Variants in GALNTL6 observed in about 807,000 individuals in gnomAD.
GALNTL6 encodes polypeptide N-acetylgalactosaminyltransferase like 6, also known as polypeptide N-acetylgalactosaminyltransferase-like 6.
In GALNTL6, 46 loss-of-function variants were observed where a neutral mutation model predicts 73.7. The ratio of observed to expected loss-of-function variants is 0.62; its 90% confidence interval spans 0.49 to 0.80. GALNTL6 has a LOEUF of 0.80. Ranked by LOEUF, GALNTL6 falls within the 30% of genes least tolerant of loss-of-function variation. GALNTL6 has a pLI of 0.00. For synonymous variants in GALNTL6, 259 were observed against 263.7 expected (o/e 0.98, Z 0.17); for missense variants, 604 against 755.0 (o/e 0.80, Z 2.34).
At chr4:172,557,059 C>A (rs1250312558) in intron 5 of GALNTL6, among the ~76,000 whole-genome samples, 3 of 152,084 alleles carry the variant, frequency 2.0e-5, no homozygotes, top group Non-Finnish European at 4.4e-5. Flanking sequence ...TTAATAGATG[C>A]TCCTTGAAAA....
At chr4:172,134,967 A>C (rs1733597636) in intron 2 of GALNTL6, among the ~76,000 whole-genome samples, 1 of 152,130 alleles carries the variant, frequency 6.6e-6, no homozygotes, top group Non-Finnish European at 1.5e-5. Context: ...GCCGCACCTA[A>C]CTACAAAGAG....
intron 2 of GALNTL6, among the ~76,000 whole-genome samples, chr4:172,131,688 A>G (rs1733503061): frequency 1.3e-5 from 2 of 151,656 alleles, no homozygotes; most frequent in Non-Finnish European, 2.9e-5. Flanking sequence ...GTAGCATGTA[A>G]TTTATATTTA....
intron 4 of GALNTL6, among the ~76,000 whole-genome samples, chr4:172,314,712 A>T (rs1740484295): frequency 6.9e-6 from 1 of 145,064 alleles, no homozygotes; most frequent in Non-Finnish European, 1.5e-5. Context: ...GGTTCAAGCG[A>T]TTCTCCTGCC....
rs1214705798 is a variant in GALNTL6, at chr4:172,151,947, TA to T, written c.139-77708del. On this transcript the variant is annotated intron_variant, in intron 2 of 12. Transcript: ENST00000506823. ...TCTATAATATAAATTTATATCTATC[TA>T]TCTATCTATCTATCTATCTATCTAT... is the stretch of plus-strand genomic sequence containing the variant. Among the ~76,000 whole-genome samples the T allele has an allele frequency of 1.5e-4, 3 of 19,442 alleles. No individual in the cohort carries two copies. The East Asian group carries it at 3.7e-3, about 24-fold the overall frequency. 12.8% of individuals were successfully genotyped at this position (19,442 alleles called of 152,430 possible). A position where few individuals can be genotyped will look rare whatever the true frequency, so the allele number is the denominator to read the frequency against.
At chr4:172,403,554 T>TTTTTGTTTG (rs1169089073) in intron 5 of GALNTL6, among the ~76,000 whole-genome samples, 1 of 152,022 alleles carries the variant, frequency 6.6e-6, no homozygotes, top group Non-Finnish European at 1.5e-5. Context: ...TTGTCTTAAA[T>TTTTTGTTTG]AACTAGATTT....
intron 2 of GALNTL6, among the ~76,000 whole-genome samples, chr4:172,102,777 G>A (rs1296432826): frequency 6.6e-6 from 1 of 152,142 alleles, no homozygotes; most frequent in African/African-American, 2.4e-5. Flanking sequence ...GACACTTCTC[G>A]CTAGGGAATG....
chr4:172,052,215 C>G (rs1215165369), intron 2 of GALNTL6, among the ~76,000 whole-genome samples: 1 of 152,156 alleles, frequency 6.6e-6, no homozygotes, highest in Non-Finnish European at 1.5e-5. Flanking sequence ...GTTCTTATAT[C>G]CCGGTCATGG....
At chr4:171,988,836 G>T (rs1467787345) in intron 2 of GALNTL6, among the ~76,000 whole-genome samples, 2 of 152,110 alleles carry the variant, frequency 1.3e-5, no homozygotes, top group South Asian at 4.1e-4. Flanking sequence ...GGCATGATCG[G>T]TCGCTAAGGA....
chr4:172,707,181 C>T (rs1734407414), intron 5 of GALNTL6, among the ~76,000 whole-genome samples: 1 of 152,068 alleles, frequency 6.6e-6, no homozygotes, highest in Non-Finnish European at 1.5e-5. Flanking sequence ...TTTTCTGTGG[C>T]CCCTGGGATT....
chr4:172,073,668 G>A (rs1301929783), intron 2 of GALNTL6, among the ~76,000 whole-genome samples: 1 of 152,220 alleles, frequency 6.6e-6, no homozygotes, highest in East Asian at 1.9e-4. Context: ...TTCTGAAGCA[G>A]TGGTAATTAA....
At chr4:172,492,615 T>A (rs1733937254) in intron 5 of GALNTL6, among the ~76,000 whole-genome samples, 1 of 152,156 alleles carries the variant, frequency 6.6e-6, no homozygotes, top group African/African-American at 2.4e-5. Context: ...GTTTAGCATT[T>A]GAGGTGAAAA....
At chr4:172,110,983 A>G (rs1732835270) in intron 2 of GALNTL6, among the ~76,000 whole-genome samples, 1 of 151,906 alleles carries the variant, frequency 6.6e-6, no homozygotes, top group Admixed American at 6.6e-5. Flanking sequence ...AGGAGTAGTA[A>G]TCTCACTTAA....
chr4:172,307,816 T>C lies in GALNTL6; in HGVS notation c.248-3798T>C, dbSNP rs151298648. Among the ~76,000 whole-genome samples, 858 of 152,100 alleles carry C rather than the reference T, an allele frequency of 5.6e-3. 9 individuals are homozygous for C. Among genetic ancestry groups the C allele is most frequent in the African/African-American group, 0.019 (774 of 41,518 alleles). On this transcript the variant is annotated intron_variant, in intron 3 of 12. Coordinates refer to ENST00000506823, the MANE Select transcript of GALNTL6 (RefSeq NM_001034845.3). The stretch of plus-strand genomic sequence containing the variant: ...ATGCCTCCAGATTTGTTCCTTTTTC[T>C]TTGTCTTGCTTTGGTTATGTGGGAT...
At chr4:172,619,644 A>T (rs1398281358) in intron 5 of GALNTL6, among the ~76,000 whole-genome samples, 1 of 152,090 alleles carries the variant, frequency 6.6e-6, no homozygotes, top group Non-Finnish European at 1.5e-5. Context: ...CAAAAACTTA[A>T]CCTAGTTATT....
At chr4:172,353,594 C>A (rs1473145332) in intron 5 of GALNTL6, among the ~76,000 whole-genome samples, 1 of 151,988 alleles carries the variant, frequency 6.6e-6, no homozygotes, top group Admixed American at 6.6e-5. Context: ...TACTGTCATA[C>A]CTCATCCCCT....
intron 10 of GALNTL6, among the ~76,000 whole-genome samples, chr4:172,981,183 C>A (rs1751048131): frequency 6.6e-6 from 1 of 152,188 alleles, no homozygotes; most frequent in African/African-American, 2.4e-5. Context: ...TCTGTTCAAG[C>A]CCTTGCTATC....
chr4:172,180,417 G>GT (rs200177528), intron 2 of GALNTL6, among the ~76,000 whole-genome samples: 150 of 147,682 alleles, frequency 1.0e-3, no homozygotes, highest in South Asian at 1.9e-3. Context: ...TCTGGTGATA[G>GT]TTTTTTTTTT....
chr4:172,495,867 G>A (rs1734055921), intron 5 of GALNTL6, among the ~76,000 whole-genome samples: 1 of 152,094 alleles, frequency 6.6e-6, no homozygotes, highest in Admixed American at 6.5e-5. Context: ...ATTAAAGATG[G>A]TTCTACTTCT....
chr4:172,451,095 A>G (rs1732192119), intron 5 of GALNTL6, among the ~76,000 whole-genome samples: 1 of 152,216 alleles, frequency 6.6e-6, no homozygotes, highest in East Asian at 1.9e-4. Context: ...TTCTAGAAAC[A>G]GGTCTCTATT....
Sources: allele counts gnomAD v4.1 joint callset (sites outside exome capture counted in the v4.1 genomes callset), GRCh38; gene constraint gnomAD v4.1.1; transcripts MANE v1.5; gene names NCBI Gene and HGNC (gene_info 2026-07-23, HGNC 2026-07-21).